The following SHANK2 variants were observed in gnomAD, a reference collection of about 807,000 sequenced individuals.
The protein encoded by SHANK2 is SH3 and multiple ankyrin repeat domains 2.
A neutral mutation model predicts 133.7 loss-of-function variants in SHANK2; 43 were observed. The observed-to-expected ratio is 0.32, with a 90% CI of 0.25 to 0.41. The LOEUF (loss-of-function observed/expected upper bound fraction) is 0.41. Among genes scored for constraint, SHANK2 ranks in the 10% least tolerant of loss-of-function variants. The probability of loss-of-function intolerance (pLI) is 1.00; values close to 1 mark genes in which losing one functional copy is unlikely to be tolerated. For missense variants in SHANK2, 1,994 were observed against 2,235.8 expected (o/e 0.89, Z 2.18); for synonymous variants, 1,017 against 952.8 (o/e 1.07, Z -1.24).
chr11:70,912,132 GA>G, intron 10 of SHANK2, among the ~76,000 whole-genome samples: 1 of 144,158 alleles, frequency 6.9e-6, no homozygotes, highest in African/African-American at 2.6e-5. Flanking sequence ...AAGAAAGAAA[GA>G]AAAGAGAAGA....
intron 10 of SHANK2, among the ~76,000 whole-genome samples, chr11:70,916,219 G>A (rs1950267079): frequency 6.6e-6 from 1 of 152,178 alleles, no homozygotes; most frequent in South Asian, 2.1e-4. Context: ...CTTGGGAGAG[G>A]GTAGAGTTCA....
chr11:70,917,252 T>C (rs1276215836), intron 10 of SHANK2, among the ~76,000 whole-genome samples: 1 of 152,000 alleles, frequency 6.6e-6, no homozygotes, highest in African/African-American at 2.4e-5. Context: ...CTAATAATCA[T>C]ATGAAAAAAA....
rs1555152601 is a variant in SHANK2, at chr11:70,485,188, G to A, written c.4979+126C>T. 5.2e-6 allele frequency: 4 copies of A among 769,144 alleles called. No homozygotes were observed. The highest frequency in any genetic ancestry group is 1.7e-5 in the African/African-American group (1 of 58,524). 47.6% of individuals were successfully genotyped at this position (769,144 alleles called of 1,614,324 possible). A position where few individuals can be genotyped will look rare whatever the true frequency, so the allele number is the denominator to read the frequency against. ...AAGAAGTGTTACTGCATTAACAGAC[G>A]TGGCCCACACAGGCTTTACGAATTC... is the stretch of plus-strand genomic sequence containing the variant. On this transcript the variant is annotated intron_variant, in intron 25 of 25. Coordinates refer to ENST00000601538, the MANE Select transcript of SHANK2 (RefSeq NM_012309.5). The surrounding 1 kb of genome is among the most constrained non-coding windows in gnomAD (Gnocchi z 5.8).
chr11:71,057,038 C>G (rs1057197843), intron 9 of SHANK2, among the ~76,000 whole-genome samples: 6 of 152,044 alleles, frequency 3.9e-5, no homozygotes, highest in African/African-American at 1.4e-4. Context: ...AGGCAAGTCC[C>G]AAAACAATAA....
intron 10 of SHANK2, among the ~76,000 whole-genome samples, chr11:70,906,028 A>G (rs556627808): frequency 6.6e-6 from 1 of 151,996 alleles, no homozygotes; most frequent in East Asian, 1.9e-4. Flanking sequence ...GGCCAGGCTG[A>G]TCTCAAACTC....
At chr11:71,102,924 G>A (rs968351316) in intron 6 of SHANK2, among the ~76,000 whole-genome samples, 3 of 152,250 alleles carry the variant, frequency 2.0e-5, no homozygotes, top group African/African-American at 7.2e-5. Flanking sequence ...GAGGCCAGAA[G>A]TCCAAGATCA....
chr11:71,239,872 C>A (rs1954866932), intron 1 of SHANK2, among the ~76,000 whole-genome samples: 1 of 152,116 alleles, frequency 6.6e-6, no homozygotes, highest in African/African-American at 2.4e-5. Context: ...AATCACCCAA[C>A]CCACCCCAGG....
chr11:70,504,524 C>A (rs2059109162), intron 17 of SHANK2, among the ~76,000 whole-genome samples: 2 of 152,216 alleles, frequency 1.3e-5, no homozygotes, highest in African/African-American at 4.8e-5. Flanking sequence ...GGCTCATTCC[C>A]ATGTACTCAG....
intron 14 of SHANK2, among the ~76,000 whole-genome samples, chr11:70,719,007 A>T (rs1946015990): frequency 6.6e-6 from 1 of 152,196 alleles, no homozygotes; most frequent in Non-Finnish European, 1.5e-5. Context: ...GAATACAATG[A>T]ATTAAAGAAG....
intron 3 of SHANK2, among the ~76,000 whole-genome samples, chr11:71,143,257 C>G (rs1952589207): frequency 6.6e-6 from 1 of 152,036 alleles, no homozygotes; most frequent in African/African-American, 2.4e-5. Context: ...AACAAACAAA[C>G]AAAAAACCCA....
chr11:71,166,520 G>C (rs1280090957), intron 2 of SHANK2, among the ~76,000 whole-genome samples: 1 of 126,638 alleles, frequency 7.9e-6, no homozygotes, highest in Admixed American at 8.5e-5. Context: ...CGCTCTTGTT[G>C]CCCAGGCTGC....
chr11:70,626,160 C>T (rs929445390), intron 17 of SHANK2, among the ~76,000 whole-genome samples: 1 of 152,234 alleles, frequency 6.6e-6, no homozygotes, highest in Non-Finnish European at 1.5e-5. Flanking sequence ...GAAAACACCC[C>T]CAGCAGCACC....
intron 11 of SHANK2, among the ~76,000 whole-genome samples, chr11:70,862,515 GGACTGGACTGGCTGATA>G (rs1457282127): frequency 2.3e-4 from 35 of 152,226 alleles, no homozygotes; most frequent in Non-Finnish European, 4.0e-4. Flanking sequence ...ACTGGCTGAT[GGACTGGACTGGCTGATA>G]GACTGGACTG....
chr11:70,865,374 A>G (rs1322591285), intron 11 of SHANK2, among the ~76,000 whole-genome samples: 1 of 152,164 alleles, frequency 6.6e-6, no homozygotes, highest in African/African-American at 2.4e-5. Flanking sequence ...TAGCCTCACA[A>G]AGAATCTAGA....
chr11:70,681,947 G>A (rs755274172), intron 15 of SHANK2, among the ~76,000 whole-genome samples: 18 of 152,260 alleles, frequency 1.2e-4, no homozygotes, highest in East Asian at 1.9e-4. Context: ...GGGCATGCTC[G>A]GGGTGAAATC....
rs2059968862 is a variant in SHANK2 at position 70,566,423 on chromosome 11, G to A, written c.2062-63492C>T. 3 of 152,194 alleles carry A rather than the reference G, an allele frequency of 2.0e-5. No individual in the cohort carries two copies. The South Asian group carries it at 6.2e-4, about 32-fold the overall frequency. 9.4% of individuals were successfully genotyped at this position (152,194 alleles called of 1,614,324 possible). On this transcript the variant is annotated intron_variant, in intron 17 of 25. Transcript: ENST00000601538. ...TTAAGAGTTGACCCCAAATGGGAGT[G>A]GAAAAGTGACACTGCACCCTCGCAG...
intron 15 of SHANK2, chr11:70,661,990 G>A: frequency 1.6e-6 from 1 of 622,686 alleles, no homozygotes; most frequent in Non-Finnish European, 2.9e-6. Flanking sequence ...GAGGCTCAAG[G>A]GGGGCTGGCC....
chr11:71,216,520 G>A (rs576735046), intron 2 of SHANK2, among the ~76,000 whole-genome samples: 1 of 152,228 alleles, frequency 6.6e-6, no homozygotes, highest in Non-Finnish European at 1.5e-5. Context: ...GGTTTTGGGG[G>A]GGAATATAAA....
chr11:70,492,534 C>T, intron 21 of SHANK2, 69 bp from the exon 22 acceptor site: 1 of 1,600,158 alleles, frequency 6.2e-7, no homozygotes, highest in African/African-American at 1.3e-5. Flanking sequence ...TAGGAAAGCG[C>T]ACAGGTGCAG....
Sources: allele counts gnomAD v4.1 joint callset (sites outside exome capture counted in the v4.1 genomes callset), GRCh38; gene constraint gnomAD v4.1.1; non-coding constraint Gnocchi (gnomAD v3.1); transcripts MANE v1.5; gene names NCBI Gene and HGNC (gene_info 2026-07-23, HGNC 2026-07-21).